Variants in CENPF observed in about 807,000 individuals in gnomAD.
CENPF encodes centromere protein F, also known as AH antigen.
In CENPF, 214 loss-of-function variants were observed where a neutral mutation model predicts 307.3. The ratio of observed to expected loss-of-function variants is 0.70; its 90% CI spans 0.62 to 0.78. The LOEUF is 0.78. Ranked by LOEUF, CENPF falls within the 30% of genes least tolerant of loss-of-function variation. The pLI is 0.00. For missense variants in CENPF, 3,401 were observed against 3,483.9 expected, an observed-to-expected ratio of 0.98 and a Z score of 0.60; for synonymous variants, 1,259 against 1,270.6, an observed-to-expected ratio of 0.99 and a Z score of 0.19.
At chr1:214,631,379 G>A (rs1030439694) in intron 9 of CENPF, among the ~76,000 whole-genome samples, 4 of 151,944 alleles carry the variant, frequency 2.6e-5, no homozygotes, top group Admixed American at 6.5e-5. Flanking sequence ...GTAATATCAC[G>A]GGGCAGGTAT....
At chr1:214,635,124 A>G (rs1657919751) in intron 10 of CENPF, among the ~76,000 whole-genome samples, 1 of 152,220 alleles carries the variant, frequency 6.6e-6, no homozygotes, top group Non-Finnish European at 1.5e-5. Flanking sequence ...GGACCTTTCC[A>G]AGCATAGGGA....
intron 11 of CENPF, 68 bp downstream of exon 11, chr1:214,638,069 A>G (rs1658011282): frequency 2.1e-6 from 3 of 1,431,186 alleles, no homozygotes; most frequent in Non-Finnish European, 2.8e-6. Context: ...GATGGATGGC[A>G]TTAACATATT....
rs1011313182 is a variant in CENPF at position 214,651,570 on chromosome 1, G to T, written c.7984-140G>T. 2.9e-5 allele frequency: 16 copies of T among 549,114 alleles called. No homozygotes were observed. The Admixed American group carries it at 4.9e-4, about 17-fold the overall frequency. The allele number at this position is 549,114 out of a possible 1,614,324, so 34.0% of individuals were successfully genotyped here. On this transcript the variant is annotated intron_variant, in intron 14 of 19. Transcript: ENST00000366955. ...AATTAAAAGTGAATACATTGCTAAG[G>T]ATTATAGCACTATTCTGTACAGATT...
chr1:214,637,341 G>A (rs1162659464), intron 10 of CENPF, among the ~76,000 whole-genome samples: 1 of 152,178 alleles, frequency 6.6e-6, no homozygotes, highest in South Asian at 2.1e-4. Context: ...GCACATTCCA[G>A]CATCTTGAAT....
At chr1:214,604,603 A>G (rs1046214460) in intron 1 of CENPF, among the ~76,000 whole-genome samples, 9 of 152,072 alleles carry the variant, frequency 5.9e-5, no homozygotes, top group African/African-American at 2.2e-4. Context: ...GCTCCTTTTT[A>G]TATTCTGTTG....
Position 214,656,914 on chromosome 1 carries a change from G to A in CENPF, c.8486-19G>A, listed in dbSNP as rs542491609. The A allele has an allele frequency of 8.6e-6, 13 of 1,508,514 alleles. No homozygotes were observed. Among genetic ancestry groups the A allele is most frequent in the African/African-American group, 2.8e-5 (2 of 71,962 alleles). The allele number at this position is 1,508,514 out of a possible 1,614,324, so 93.4% of individuals were successfully genotyped here. A position where few individuals can be genotyped will look rare whatever the true frequency, so the allele number is the denominator to read the frequency against. On this transcript the variant is annotated intron_variant, in intron 17 of 19. Transcript: ENST00000366955. The stretch of plus-strand genomic sequence containing the variant: ...AGAAGCATCAAGTTGCACATGATGT[G>A]TTGCTTTACTTTGGACAGGTACTGT...
At position 214,657,016 on chromosome 1, in the gene CENPF, G is replaced by T. The variant is rs772191602; in HGVS notation, c.8569G>T (p.Ala2857Ser). ...AACTCTTGAAGAAAAAACCAAGGAG[G>T]CAGATGAATACTTGGATAAGTACTG... ...KETLEEKTKE[A>S]DEYLDKYCSL... The change falls in exon 18 of 20, where the codon GCA becomes TCA. Residue 2857 changes from alanine to serine, a missense_variant. Physicochemically the swap from Ala to Ser is moderately conservative, Grantham distance 99. Coordinates refer to ENST00000366955, the MANE Select transcript of CENPF (RefSeq NM_016343.4). 2.4e-5 allele frequency: 39 copies of T among 1,613,744 alleles called. No individual in the cohort carries two copies. The highest frequency in any genetic ancestry group is 3.2e-5 in the Non-Finnish European group (38 of 1,179,924).
At chr1:214,658,062 C>T (rs12744637) in intron 18 of CENPF, among the ~76,000 whole-genome samples, 14,097 of 152,256 alleles carry the variant, frequency 0.093, 884 homozygotes, top group East Asian at 0.22. Flanking sequence ...CGAACCCCCT[C>T]TGCCCCCAAA....
At chr1:214,658,298 CAA>C (rs1658697104) in intron 18 of CENPF, among the ~76,000 whole-genome samples, 1 of 152,132 alleles carries the variant, frequency 6.6e-6, no homozygotes. Context: ...CTGGGTCATC[CAA>C]AGTCATGTCA....
At chr1:214,617,103 G>T (rs1657381973) in intron 3 of CENPF, among the ~76,000 whole-genome samples, 1 of 150,790 alleles carries the variant, frequency 6.6e-6, no homozygotes, top group African/African-American at 2.4e-5. Flanking sequence ...CTGGAGTGCA[G>T]TGCTGTGGCA....
At chr1:214,619,494 A>T (rs1220015138) in intron 5 of CENPF, among the ~76,000 whole-genome samples, 2 of 152,204 alleles carry the variant, frequency 1.3e-5, no homozygotes, top group African/African-American at 4.8e-5. Context: ...AGACCTAGCG[A>T]TCAGGGCTAT....
At position 214,640,822 on chromosome 1, in the gene CENPF, A is replaced by G. The variant is rs1169329344; in HGVS notation, c.2484A>G (p.Leu828=). The G allele has an allele frequency of 8.1e-6, 13 of 1,606,218 alleles. No individual in the cohort carries two copies. The highest frequency in any genetic ancestry group is 1.3e-5 in the African/African-American group (1 of 74,408). Residue 828 remains leucine (L), a synonymous_variant, in exon 12 of 20, where the codon CTA becomes CTG. Coordinates refer to ENST00000366955, the MANE Select transcript of CENPF (RefSeq NM_016343.4). The part of the protein sequence containing the change: ...ADQSPKNSAI[L]QNRVDSLEFS... ...AAAGTCCGAAAAATTCTGCCATCCT[A>G]CAAAATAGAGTTGATTCACTTGAAT...
intron 16 of CENPF, 77 bp downstream of exon 16, chr1:214,653,066 ACGTT>A: frequency 1.5e-6 from 2 of 1,334,728 alleles, no homozygotes; most frequent in Non-Finnish European, 2.2e-6. Context: ...ATAGCATTAA[ACGTT>A]TTCATTTTCA....
chr1:214,618,472 G>T (rs372267263), intron 3 of CENPF, 101 bp from the exon 4 acceptor site: 2 of 1,370,158 alleles, frequency 1.5e-6, no homozygotes, highest in East Asian at 2.4e-5. Flanking sequence ...TAGTGGATGG[G>T]TTTCTTTGTA....
chr1:214,646,902 A>C lies in CENPF; in HGVS notation c.7332A>C (p.Gln2444His), dbSNP rs762754282. The C allele has an allele frequency of 6.2e-7, 1 of 1,614,098 alleles. No individual in the cohort carries two copies. The highest frequency in any genetic ancestry group is 1.1e-5 in the South Asian group (1 of 91,074). Residue 2444 changes from glutamine to histidine, a missense_variant, in exon 13 of 20, where the codon CAA becomes CAC. Physicochemically the swap from Gln to His is conservative, Grantham distance 24. Coordinates refer to ENST00000366955, the MANE Select transcript of CENPF (RefSeq NM_016343.4). ...CAAGCACTGCCATGGAGATGCTTCA[A>C]ACACAATTAAAAGAGCTCAATGAGA... ...EKSSTAMEML[Q>H]TQLKELNERV...
Position 214,646,456 on chromosome 1 carries a change from G to T in CENPF, c.6886G>T (p.Glu2296Ter), listed in dbSNP as rs763405487. ...EQSLDPPIEE[E>*]HQLRNSIEKL... ...GAGTCTAGACCCACCAATAGAGGAAGAGCATCAGCTGAGAAATAGCATTGA... is the reference window on the plus strand; with the variant it reads ...GAGTCTAGACCCACCAATAGAGGAATAGCATCAGCTGAGAAATAGCATTGA... Residue 2296 changes from glutamate (E) to a stop codon, truncating the protein, a stop_gained, in exon 13 of 20, where the codon GAG (glutamate) becomes TAG (stop). Coordinates refer to ENST00000366955, the MANE Select transcript of CENPF (RefSeq NM_016343.4). LOFTEE classifies it high-confidence loss of function. The T allele has an allele frequency of 8.1e-6, 13 of 1,614,108 alleles. No homozygotes were observed. Among genetic ancestry groups the T allele is most frequent in the Non-Finnish European group, 1.1e-5 (13 of 1,180,014 alleles).
At chr1:214,624,459 A>T (rs1336413228) in intron 7 of CENPF, among the ~76,000 whole-genome samples, 1 of 152,208 alleles carries the variant, frequency 6.6e-6, no homozygotes, top group Non-Finnish European at 1.5e-5. Flanking sequence ...AAATAGTTAT[A>T]GAACTATTAA....
At chr1:214,608,490 C>G in intron 1 of CENPF, 1 of 1,612,616 alleles carries the variant, frequency 6.2e-7, no homozygotes, top group Non-Finnish European at 8.5e-7. Flanking sequence ...CATTGCTGTG[C>G]GAGAAGAGGA....
chr1:214,662,733 T>G (rs1658819073), intron 19 of CENPF, among the ~76,000 whole-genome samples: 1 of 152,190 alleles, frequency 6.6e-6, no homozygotes, highest in Non-Finnish European at 1.5e-5. Context: ...TTCATTTTTC[T>G]TGCACTTTTT....
Sources: allele counts gnomAD v4.1 joint callset (sites outside exome capture counted in the v4.1 genomes callset), GRCh38; gene constraint gnomAD v4.1.1; transcripts MANE v1.5; gene names NCBI Gene and HGNC (gene_info 2026-07-23, HGNC 2026-07-21).